The following UVRAG variants were observed in gnomAD, a reference collection of about 807,000 sequenced individuals.
UVRAG encodes the protein UV radiation resistance associated.
In UVRAG, 19 loss-of-function variants were observed where a neutral mutation model predicts 78.0. The observed-to-expected ratio is 0.24, with a 90% CI of 0.17 to 0.36. The LOEUF is 0.36. Ranked by LOEUF, UVRAG falls within the 10% of genes least tolerant of loss-of-function variation. UVRAG has a pLI of 1.00. For synonymous variants in UVRAG, 323 were observed against 324.6 expected, an observed-to-expected ratio of 1.00 and a Z score of 0.05; for missense variants, 740 against 853.8, an observed-to-expected ratio of 0.87 and a Z score of 1.66.
intron 4 of UVRAG, among the ~76,000 whole-genome samples, chr11:75,886,646 T>A (rs1947085051): frequency 6.6e-6 from 1 of 152,232 alleles, no homozygotes; most frequent in Non-Finnish European, 1.5e-5. Flanking sequence ...CAGTAAATGA[T>A]GTGGATAAAC....
At chr11:76,017,761 C>A (rs117052720) in intron 12 of UVRAG, among the ~76,000 whole-genome samples, 6,400 of 152,230 alleles carry the variant, frequency 0.042, 206 homozygotes, top group Non-Finnish European at 0.066. Context: ...AAAAACAGAA[C>A]TGTCCACTTA....
chr11:76,065,967 A>G (rs1454597115), intron 13 of UVRAG, among the ~76,000 whole-genome samples, 179 bp downstream of exon 13: 1 of 152,218 alleles, frequency 6.6e-6, no homozygotes, highest in Non-Finnish European at 1.5e-5. Context: ...TAAAATGACT[A>G]CAGAGAAGCA....
At chr11:75,865,996 C>A (rs542034367) in intron 3 of UVRAG, among the ~76,000 whole-genome samples, 1 of 151,990 alleles carries the variant, frequency 6.6e-6, no homozygotes, top group South Asian at 2.1e-4. Flanking sequence ...GTGGCTCATG[C>A]CTATAATCTT....
chr11:76,082,337 G>C (rs1591215293), intron 13 of UVRAG, among the ~76,000 whole-genome samples: 1 of 151,704 alleles, frequency 6.6e-6, no homozygotes, highest in Non-Finnish European at 1.5e-5. Flanking sequence ...TCAGGAGATC[G>C]AGACCATCCT....
intron 13 of UVRAG, among the ~76,000 whole-genome samples, chr11:76,073,047 A>G (rs1420372281): frequency 1.3e-5 from 2 of 152,182 alleles, no homozygotes; most frequent in African/African-American, 2.4e-5. Flanking sequence ...AGCTAGCAGT[A>G]TTTGTCTTCT....
chr11:75,919,307 C>T (rs1204043345), intron 6 of UVRAG, among the ~76,000 whole-genome samples: 1 of 151,974 alleles, frequency 6.6e-6, no homozygotes, highest in African/African-American at 2.4e-5. Context: ...CAACTGTAAG[C>T]AGACTTTACA....
intron 5 of UVRAG, among the ~76,000 whole-genome samples, chr11:75,892,890 A>G (rs1009173886): frequency 3.9e-5 from 6 of 152,130 alleles, no homozygotes; most frequent in African/African-American, 1.2e-4. Context: ...TGTAAAAGAA[A>G]TATTCCTGGC....
chr11:76,009,375 G>A (rs1950008432), intron 11 of UVRAG, among the ~76,000 whole-genome samples: 1 of 151,900 alleles, frequency 6.6e-6, no homozygotes, highest in Non-Finnish European at 1.5e-5. Flanking sequence ...TACATTAAAG[G>A]TATTATAGAA....
In UVRAG at chr11:75,918,820, T is replaced by G. The variant is rs149071997; in HGVS notation, c.593+6781T>G. On this transcript the variant is annotated intron_variant, in intron 6 of 14. Coordinates refer to ENST00000356136, the MANE Select transcript of UVRAG (RefSeq NM_003369.4). ...GTTTTGTTTTTCCTAATGGTTTCCA[T>G]CTGGTAAAATGAGAGTTGCAAAAAA... is the stretch of plus-strand genomic sequence containing the variant. Among the ~76,000 whole-genome samples, 137 of 152,340 alleles carry G rather than the reference T, an allele frequency of 9.0e-4. No individual in the cohort carries two copies. In the Middle Eastern group the frequency reaches 0.014, roughly 15 times the overall value.
intron 5 of UVRAG, among the ~76,000 whole-genome samples, chr11:75,904,045 G>A (rs949956402): frequency 5.9e-5 from 9 of 152,070 alleles, no homozygotes; most frequent in African/African-American, 1.9e-4. Context: ...TATAGCTTGC[G>A]ACTAAGAATG....
At chr11:75,822,039 G>T (rs1238490796) in intron 1 of UVRAG, among the ~76,000 whole-genome samples, 2 of 149,076 alleles carry the variant, frequency 1.3e-5, no homozygotes, top group Non-Finnish European at 3.0e-5. Context: ...CTACCTCTCA[G>T]GTTCAAGCAA....
intron 13 of UVRAG, among the ~76,000 whole-genome samples, chr11:76,075,140 TTCTTGG>T (rs1951380801): frequency 6.6e-6 from 1 of 152,200 alleles, no homozygotes; most frequent in Non-Finnish European, 1.5e-5. Context: ...ATTTTCATAA[TTCTTGG>T]AATCAAAAAT....
chr11:75,984,144 T>A (rs1949449962), intron 8 of UVRAG, among the ~76,000 whole-genome samples: 1 of 152,176 alleles, frequency 6.6e-6, no homozygotes, highest in Admixed American at 6.5e-5. Context: ...AATTTTGATC[T>A]TTTTCCAGGC....
chr11:75,927,967 T>C (rs962753471), intron 6 of UVRAG, among the ~76,000 whole-genome samples: 4 of 152,140 alleles, frequency 2.6e-5, no homozygotes, highest in Admixed American at 2.6e-4. Flanking sequence ...CCAGGCTTGG[T>C]GGCACATGCC....
At chr11:76,136,295 G>A (rs1302512544) in intron 14 of UVRAG, among the ~76,000 whole-genome samples, 3 of 151,646 alleles carry the variant, frequency 2.0e-5, no homozygotes, top group Non-Finnish European at 4.4e-5. Context: ...GTTTTTATAC[G>A]AGATGCTCAC....
intron 6 of UVRAG, among the ~76,000 whole-genome samples, chr11:75,918,006 G>T (rs919451266): frequency 1.3e-5 from 2 of 152,060 alleles, no homozygotes; most frequent in African/African-American, 4.8e-5. Flanking sequence ...AGCTCCAGAG[G>T]CTATCATATA....
chr11:76,043,042 A>G (rs1950680638), intron 12 of UVRAG, among the ~76,000 whole-genome samples: 1 of 152,208 alleles, frequency 6.6e-6, no homozygotes, highest in Non-Finnish European at 1.5e-5. Flanking sequence ...TTGAGGTTAA[A>G]ATGATCCTAA....
At chr11:76,066,320 T>C (rs1951184370) in intron 13 of UVRAG, among the ~76,000 whole-genome samples, 1 of 152,192 alleles carries the variant, frequency 6.6e-6, no homozygotes. Flanking sequence ...TGTCTTTCCG[T>C]ATGCCGTAGT....
chr11:75,887,572 C>T (rs907486647), intron 4 of UVRAG, among the ~76,000 whole-genome samples: 2 of 151,918 alleles, frequency 1.3e-5, no homozygotes, highest in South Asian at 4.2e-4. Context: ...CTCAGCCTCC[C>T]GAGTAGCTGG....
Sources: allele counts gnomAD v4.1 joint callset (sites outside exome capture counted in the v4.1 genomes callset), GRCh38; gene constraint gnomAD v4.1.1; transcripts MANE v1.5; gene names NCBI Gene and HGNC (gene_info 2026-07-23, HGNC 2026-07-21).